Variants in PPFIA4 observed in about 807,000 individuals in gnomAD.
PPFIA4 encodes PPFI scaffold protein A4.
In PPFIA4, 98 loss-of-function variants were observed where a neutral mutation model predicts 145.7. That is an observed-to-expected ratio of 0.67 (90% confidence interval 0.57 to 0.80). PPFIA4 has a LOEUF of 0.80. Ranked by LOEUF, PPFIA4 falls within the 30% of genes least tolerant of loss-of-function variation. The pLI is 0.00. For missense variants in PPFIA4, 1,457 were observed against 1,632.7 expected (o/e 0.89, Z 1.85); for synonymous variants, 628 against 649.6 (o/e 0.97, Z 0.51).
In PPFIA4 at chr1:203,076,956, G is replaced by C. The variant is rs900137270; in HGVS notation, c.*566G>C. The C allele has an allele frequency of 1.3e-5, 2 of 153,288 alleles. No individual in the cohort carries two copies. Among genetic ancestry groups the C allele is most frequent in the Non-Finnish European group, 2.9e-5 (2 of 68,670 alleles). The allele number at this position is 153,288 out of a possible 1,614,324, so 9.5% of individuals were successfully genotyped here. A position where few individuals can be genotyped will look rare whatever the true frequency, so the allele number is the denominator to read the frequency against. The stretch of plus-strand genomic sequence containing the variant: ...CCCCCATTCTCTTGGGGTCAGGGAG[G>C]GGCTGGGAAGGGCTACTGAAGGCCC... On this transcript the variant is annotated 3_prime_UTR_variant, in exon 30 of 30. Coordinates refer to ENST00000295706, the MANE Select transcript of PPFIA4 (RefSeq NM_001304331.2).
chr1:203,073,733 C>G (rs1336721635), intron 28 of PPFIA4, among the ~76,000 whole-genome samples: 1 of 152,126 alleles, frequency 6.6e-6, no homozygotes, highest in African/African-American at 2.4e-5. Flanking sequence ...GGAATAACAT[C>G]TGACTGTTAG....
chr1:203,063,555 C>T (rs1352953818), intron 24 of PPFIA4: 1 of 359,592 alleles, frequency 2.8e-6, no homozygotes, highest in African/African-American at 2.2e-5. Flanking sequence ...ATATTAGCTG[C>T]TGCCGGGATA....
In PPFIA4 at chr1:203,055,559, C is replaced by A. The variant is rs762985282; in HGVS notation, c.1957C>A (p.Leu653Met). The change falls in exon 16 of 30, where the codon CTG becomes ATG. Residue 653 changes from leucine to methionine, a missense_variant. Coordinates refer to ENST00000295706, the MANE Select transcript of PPFIA4 (RefSeq NM_001304331.2). The surrounding 1 kb of genome is among the most constrained non-coding windows in gnomAD (Gnocchi z 4.8). ...LRKRGSIPTS[L>M]TALSLASASP... is the part of the protein sequence containing the mutation. ...CAAGCGTGGTTCCATCCCCACCTCT[C>A]TGACGGCCCTGTCCCTGGCCAGCGC... 1.2e-6 allele frequency: 2 copies of A among 1,614,032 alleles called. No homozygotes were observed. Among genetic ancestry groups the A allele is most frequent in the Non-Finnish European group, 8.5e-7 (1 of 1,179,894 alleles).
intron 1 of PPFIA4, chr1:203,035,649 T>TA: frequency 2.2e-6 from 1 of 456,758 alleles, no homozygotes; most frequent in Non-Finnish European, 4.4e-6. Context: ...CTGTGAGTGT[T>TA]ACTTAGAAAT....
Position 203,055,808 on chromosome 1 carries a change from C to T in PPFIA4, c.2070+136C>T. 1 of 1,355,340 alleles carries T rather than the reference C, an allele frequency of 7.4e-7. No individual in the cohort carries two copies. The highest frequency in any genetic ancestry group is 1.0e-6 in the Non-Finnish European group (1 of 991,646). The allele number at this position is 1,355,340 out of a possible 1,614,324, so 84.0% of individuals were successfully genotyped here. On this transcript the variant is annotated intron_variant, in intron 16 of 29. Coordinates refer to ENST00000295706, the MANE Select transcript of PPFIA4 (RefSeq NM_001304331.2). The surrounding 1 kb of genome is among the most constrained non-coding windows in gnomAD (Gnocchi z 4.8). The stretch of plus-strand genomic sequence containing the variant: ...ATGGTGTGTGCAGACCCCGACATGT[C>T]AGGCCACCAGCCTGTCCTTCTGGGT...
At chr1:203,052,951 G>A (rs528027575) in intron 14 of PPFIA4, among the ~76,000 whole-genome samples, 29 of 152,334 alleles carry the variant, frequency 1.9e-4, no homozygotes, top group Admixed American at 7.8e-4. Context: ...GAGTTTGTAT[G>A]GATGGAAACT....
At chr1:203,063,544 C>T (rs1223157547) in intron 24 of PPFIA4, 2 of 340,208 alleles carry the variant, frequency 5.9e-6, no homozygotes, top group Non-Finnish European at 1.1e-5. Flanking sequence ...GGAAGGATTT[C>T]ATATTAGCTG....
chr1:203,031,411 C>T (rs368854685), intron 1 of PPFIA4, among the ~76,000 whole-genome samples: 4 of 152,220 alleles, frequency 2.6e-5, no homozygotes, highest in Non-Finnish European at 5.9e-5. Context: ...ATATACCATG[C>T]GTTCTCATGA....
Position 203,075,547 on chromosome 1 carries a change from C to G in PPFIA4, c.3394-30C>G. ...TGAGGATGGCAATTCCAACAGGGCC[C>G]TCGGGCCTCTGGTGTCCCCCATGGT... On this transcript the variant is annotated intron_variant, in intron 28 of 29. Transcript: ENST00000295706. The surrounding 1 kb of genome is among the most constrained non-coding windows in gnomAD (Gnocchi z 4.1). The G allele has an allele frequency of 7.3e-7, 1 of 1,370,762 alleles. No homozygotes were observed. Among genetic ancestry groups the G allele is most frequent in the Non-Finnish European group, 9.5e-7 (1 of 1,054,930 alleles). The allele number at this position is 1,370,762 out of a possible 1,614,324, so 84.9% of individuals were successfully genotyped here. A position where few individuals can be genotyped will look rare whatever the true frequency, so the allele number is the denominator to read the frequency against.
intron 14 of PPFIA4, among the ~76,000 whole-genome samples, 169 bp downstream of exon 14, chr1:203,052,046 C>CA (rs1553257049): frequency 2.0e-4 from 6 of 29,464 alleles, no homozygotes; most frequent in Non-Finnish European, 4.4e-4. Flanking sequence ...AACAGCTGTG[C>CA]CCCCCCCCCC....
Position 203,056,828 on chromosome 1 carries a change from G to A in PPFIA4, c.2285G>A (p.Ser762Asn). 6.2e-7 allele frequency: 1 copy of A among 1,613,914 alleles called. No individual in the cohort carries two copies. Among genetic ancestry groups the A allele is most frequent in the South Asian group, 1.1e-5 (1 of 91,030 alleles). ...AGCAACCCCAGCAGCAGCAACAGCA[G>A]CCAGGACTCCCTGCACAAGGGCGCC... ...QGSNPSSSNSSQDSLHKGAKR... is the reference protein window; with the variant it reads ...QGSNPSSSNSNQDSLHKGAKR... The change falls in exon 19 of 30, where the codon AGC (serine) becomes AAC (asparagine). Residue 762 changes from serine (S) to asparagine (N), a missense_variant. Transcript: ENST00000295706.
At position 203,068,529 on chromosome 1, in the gene PPFIA4, G is replaced by T; in HGVS notation, c.3225G>T (p.Leu1075=). The change falls in exon 27 of 30, where the codon CTG becomes CTT. Residue 1075 remains leucine (L), a synonymous_variant. Transcript: ENST00000295706. This position sits in a 1 kb window ranked among gnomAD's most constrained non-coding sequence, Gnocchi z 4.7. ...GGCTCCGGGACTACGCAGGAAACCT[G>T]CATGAGAGTGGTGTGCATGGAGCCT... ...SIGLRDYAGN[L]HESGVHGALL... 8 of 1,608,902 alleles carry T rather than the reference G, an allele frequency of 5.0e-6. No individual in the cohort carries two copies. The highest frequency in any genetic ancestry group is 6.8e-6 in the Non-Finnish European group (8 of 1,177,766).
chr1:203,047,256 G>C (rs1381563169), intron 9 of PPFIA4, among the ~76,000 whole-genome samples: 1 of 152,032 alleles, frequency 6.6e-6, no homozygotes, highest in South Asian at 2.1e-4. Context: ...CTGTCTCTGC[G>C]ACCTGGGAAA....
At chr1:203,069,974 G>A (rs1662030371) in intron 27 of PPFIA4, among the ~76,000 whole-genome samples, 2 of 152,106 alleles carry the variant, frequency 1.3e-5, no homozygotes, top group African/African-American at 4.8e-5. Flanking sequence ...GAGGAGCAGT[G>A]TCATTTGGAT....
At chr1:203,074,141 C>G (rs748094094) in intron 28 of PPFIA4, among the ~76,000 whole-genome samples, 1 of 152,128 alleles carries the variant, frequency 6.6e-6, no homozygotes, top group South Asian at 2.1e-4. Flanking sequence ...GAAAGAGATA[C>G]AGTCATGCAT....
intron 6 of PPFIA4, 75 bp from the exon 7 acceptor site, chr1:203,045,293 C>A: frequency 7.6e-7 from 1 of 1,323,818 alleles, no homozygotes; most frequent in Non-Finnish European, 1.0e-6. Context: ...GTTCCTCCTT[C>A]CACCCCTGGG....
Position 203,044,774 on chromosome 1 carries a change from C to T in PPFIA4, c.655C>T (p.Arg219Cys), listed in dbSNP as rs780862151. The T allele has an allele frequency of 5.8e-5, 91 of 1,563,024 alleles. No individual in the cohort carries two copies. Among genetic ancestry groups the T allele is most frequent in the Middle Eastern group, 1.7e-4 (1 of 5,994 alleles). ...GGGGACTGTGGAGCTGGGGCCGAAACGCCTGTGGAAGGTAGGTCATGGAGA... is the reference window on the plus strand; with the variant it reads ...GGGGACTGTGGAGCTGGGGCCGAAATGCCTGTGGAAGGTAGGTCATGGAGA... ...EEGTVELGPK[R>C]LWKEDTGRVE... is the part of the protein sequence containing the mutation. Residue 219 changes from arginine (R) to cysteine (C), a missense_variant, in exon 6 of 30, where the codon CGC (arginine) becomes TGC (cysteine). Arg to Cys is a radical substitution (Grantham distance 180). Transcript: ENST00000295706.
In PPFIA4 at chr1:203,075,852, C is replaced by T; in HGVS notation, c.3574+95C>T. On this transcript the variant is annotated intron_variant, in intron 29 of 29. Transcript: ENST00000295706. The surrounding 1 kb of genome is among the most constrained non-coding windows in gnomAD (Gnocchi z 4.1). Reference sequence around the variant, plus strand: ...CCGGGCCGGGTGGAGAGGGGCGAGGCCGAGGCTGGTGCCCCGCGCTCCTGC... The same window carrying T: ...CCGGGCCGGGTGGAGAGGGGCGAGGTCGAGGCTGGTGCCCCGCGCTCCTGC... 1 of 1,231,834 alleles carries T rather than the reference C, an allele frequency of 8.1e-7. No homozygotes were observed. The highest frequency in any genetic ancestry group is 1.1e-6 in the Non-Finnish European group (1 of 948,854). 76.3% of individuals were successfully genotyped at this position (1,231,834 alleles called of 1,614,324 possible).
chr1:203,065,079 T>C (rs181472336), intron 25 of PPFIA4, among the ~76,000 whole-genome samples: 135 of 152,320 alleles, frequency 8.9e-4, no homozygotes, highest in African/African-American at 3.2e-3. Flanking sequence ...AAGTTAAATC[T>C]GGAAGGGATC....
Sources: gnomAD v4.1 joint callset for allele counts (sites outside exome capture counted in the v4.1 genomes callset) on GRCh38, gnomAD v4.1.1 for gene constraint, Gnocchi (gnomAD v3.1) non-coding constraint, MANE v1.5 for transcripts, NCBI Gene and HGNC (gene_info 2026-07-23, HGNC 2026-07-21) for gene names.